The following DACH2 variants were observed in gnomAD, a reference collection of about 807,000 sequenced individuals.
DACH2 encodes dachshund homolog 2.
In DACH2, 17 loss-of-function variants were observed where a neutral mutation model predicts 35.8. The ratio of observed to expected loss-of-function variants is 0.48; its 90% CI spans 0.33 to 0.71. DACH2 has a LOEUF of 0.71. DACH2 is among the 30% of genes least tolerant of loss of function. The pLI, the probability that DACH2 is intolerant of heterozygous loss-of-function variation, is 0.02. For synonymous variants in DACH2, 195 were observed against 177.3 expected (o/e 1.10, Z -0.79); for missense variants, 469 against 472.7 (o/e 0.99, Z 0.07).
At chrX:86,606,655 G>T (rs1438578693) in intron 3 of DACH2, among the ~76,000 whole-genome samples, 1 of 111,388 alleles carries the variant, frequency 9.0e-6, no homozygotes, top group Non-Finnish European at 1.9e-5. Flanking sequence ...CTGAGCAAAA[G>T]AATGTGTATT....
At position 86,148,667 on chromosome X, in the gene DACH2, C is replaced by A; in HGVS notation, c.47C>A (p.Ala16Asp). 1 of 1,198,115 alleles carries A rather than the reference C, an allele frequency of 8.3e-7. No individual in the cohort carries two copies. The highest frequency in any genetic ancestry group is 1.1e-6 in the Non-Finnish European group (1 of 888,542). ...SPVISATSSGAGVPGGLFRAE... is the reference protein window; with the variant it reads ...SPVISATSSGDGVPGGLFRAE... ...GTGATCTCTGCAACTTCCAGCGGCG[C>A]CGGCGTCCCGGGGGGCTTATTCCGG... is the stretch of plus-strand genomic sequence containing the variant. Residue 16 changes from alanine to aspartate, a missense_variant, in exon 1 of 12, where the codon GCC becomes GAC. This residue lies in a region of DACH2 where 99 missense variants were observed against 114.3 expected (regional missense o/e 0.87). Coordinates refer to ENST00000373125, the MANE Select transcript of DACH2 (RefSeq NM_053281.3).
chrX:86,565,571 C>G lies in DACH2; in HGVS notation c.640+51180C>G, dbSNP rs58322103. On this transcript the variant is annotated intron_variant, in intron 3 of 11. Coordinates refer to ENST00000373125, the MANE Select transcript of DACH2 (RefSeq NM_053281.3). ...ACTGTGAGTATGTTGGGGATATATA[C>G]AGTGGCTTATTCTCTTTTTATTTTC... is the stretch of plus-strand genomic sequence containing the variant. Among the ~76,000 whole-genome samples, 1,100 of 111,612 alleles carry G rather than the reference C, an allele frequency of 9.9e-3. 34 individuals carry two copies. In the East Asian group the frequency reaches 0.12, roughly 12 times the overall value.
intron 4 of DACH2, among the ~76,000 whole-genome samples, chrX:86,688,651 C>G (rs1423928239): frequency 8.9e-6 from 1 of 111,958 alleles, no homozygotes; most frequent in Non-Finnish European, 1.9e-5. Context: ...ATGCCACTAA[C>G]AGATACAGGA....
chrX:86,454,218 T>G (rs1387554055), intron 2 of DACH2, among the ~76,000 whole-genome samples: 1 of 111,477 alleles, frequency 9.0e-6, no homozygotes, highest in African/African-American at 3.3e-5. Flanking sequence ...ACTTTTTCTT[T>G]CATTTTGACC....
At chrX:86,312,757 G>T (rs898909785) in intron 1 of DACH2, among the ~76,000 whole-genome samples, 8 of 111,702 alleles carry the variant, frequency 7.2e-5, no homozygotes, top group Non-Finnish European at 1.3e-4. Flanking sequence ...ACTTGGACTG[G>T]CTCTCCTTGC....
intron 1 of DACH2, among the ~76,000 whole-genome samples, chrX:86,247,015 G>T (rs191438736): frequency 8.2e-4 from 91 of 111,588 alleles, no homozygotes; most frequent in Non-Finnish European, 1.4e-3. Context: ...CAAAATAAAA[G>T]CATGGGTTGC....
intron 1 of DACH2, among the ~76,000 whole-genome samples, chrX:86,254,813 G>T (rs397832966): frequency 0.15 from 7,291 of 48,024 alleles, 521 homozygotes; most frequent in Non-Finnish European, 0.22. Context: ...TATATAGAGA[G>T]AGAGAGAGAG....
At chrX:86,389,825 G>C (rs1330370256) in intron 2 of DACH2, among the ~76,000 whole-genome samples, 2 of 112,220 alleles carry the variant, frequency 1.8e-5, no homozygotes, top group Non-Finnish European at 3.8e-5. Flanking sequence ...CGAATTACTC[G>C]ATAACGAGCT....
chrX:86,403,866 T>C (rs1453423569), intron 2 of DACH2, among the ~76,000 whole-genome samples: 1 of 111,173 alleles, frequency 9.0e-6, no homozygotes, highest in Non-Finnish European at 1.9e-5. Context: ...TGACTCACAC[T>C]TCTGTAGGGC....
At chrX:86,332,087 C>T (rs1008542599) in intron 1 of DACH2, among the ~76,000 whole-genome samples, 7 of 111,191 alleles carry the variant, frequency 6.3e-5, no homozygotes, top group South Asian at 3.8e-4. Flanking sequence ...GGTTTCATTA[C>T]GTATTGAAGA....
In DACH2 at chrX:86,274,167, G is replaced by C. The variant is rs777905483; in HGVS notation, c.489-102657G>C. 6.3e-5 allele frequency among the ~76,000 whole-genome samples: 7 copies of C among 110,978 alleles called. No homozygotes were observed. The East Asian group carries it at 2.0e-3, about 32-fold the overall frequency. On this transcript the variant is annotated intron_variant, in intron 1 of 11. Coordinates refer to ENST00000373125, the MANE Select transcript of DACH2 (RefSeq NM_053281.3). ...CTCTCCAACCTTCAAATATCTGTAG[G>C]TTAAATTACTGGTAAATCACTGCAC...
intron 1 of DACH2, among the ~76,000 whole-genome samples, chrX:86,271,893 T>C (rs1346152471): frequency 9.0e-6 from 1 of 111,207 alleles, no homozygotes; most frequent in Non-Finnish European, 1.9e-5. Flanking sequence ...GCATAGATTG[T>C]GTAGTGGTGA....
chrX:86,710,379 C>A (rs1397125746), intron 5 of DACH2, among the ~76,000 whole-genome samples: 1 of 111,622 alleles, frequency 9.0e-6, no homozygotes, highest in Non-Finnish European at 1.9e-5. Flanking sequence ...AAACAAGTGA[C>A]CTCTGCTGTA....
At chrX:86,575,438 C>T (rs1055627999) in intron 3 of DACH2, among the ~76,000 whole-genome samples, 1 of 110,718 alleles carries the variant, frequency 9.0e-6, no homozygotes, top group African/African-American at 3.3e-5. Context: ...ATTGTATATG[C>T]CATTTAAAAG....
At chrX:86,621,828 C>T (rs1375854429) in intron 3 of DACH2, among the ~76,000 whole-genome samples, 3 of 111,710 alleles carry the variant, frequency 2.7e-5, no homozygotes, top group Admixed American at 9.5e-5. Context: ...TGGCTCTGTC[C>T]AGTGATGACC....
intron 3 of DACH2, among the ~76,000 whole-genome samples, chrX:86,599,367 TCCTTTCTTTC>T (rs1314695571): frequency 9.0e-6 from 1 of 110,659 alleles, no homozygotes; most frequent in Non-Finnish European, 1.9e-5. Flanking sequence ...CTCTTCCTCT[TCCTTTCTTTC>T]CCTTTCTTTC....
intron 3 of DACH2, among the ~76,000 whole-genome samples, chrX:86,609,709 T>C (rs763257290): frequency 8.9e-6 from 1 of 111,984 alleles, no homozygotes; most frequent in South Asian, 3.7e-4. Flanking sequence ...TATTATGGAC[T>C]CATAGAGATA....
intron 1 of DACH2, among the ~76,000 whole-genome samples, chrX:86,327,181 C>G (rs2035130986): frequency 8.9e-6 from 1 of 112,143 alleles, no homozygotes; most frequent in African/African-American, 3.2e-5. Context: ...TTTATACTTC[C>G]TCTTCATTCA....
At chrX:86,473,437 G>A (rs1602559328) in intron 2 of DACH2, among the ~76,000 whole-genome samples, 3 of 110,614 alleles carry the variant, frequency 2.7e-5, no homozygotes, top group South Asian at 3.8e-4. Flanking sequence ...CCATTCTGTT[G>A]TACTATCAAA....
Sources: allele counts gnomAD v4.1 joint callset (sites outside exome capture counted in the v4.1 genomes callset), GRCh38; gene constraint gnomAD v4.1.1; regional missense constraint gnomAD v4.1.1; transcripts MANE v1.5; gene names NCBI Gene and HGNC (gene_info 2026-07-23, HGNC 2026-07-21).